The following RPSA2 variants were observed in gnomAD, a reference collection of about 807,000 sequenced individuals.
RPSA2 encodes the protein small ribosomal subunit protein uS2B.
the RPSA2 span, among the ~76,000 whole-genome samples, chr19:23,768,169 GAT>G: frequency 3.0e-4 from 2 of 6,560 alleles, no homozygotes; most frequent in African/African-American, 3.4e-4. Context: ...AAAATCTAGT[GAT>G]ATGTTTTATT....
At chr19:23,806,917 C>T in the RPSA2 span, among the ~76,000 whole-genome samples, 7 of 151,774 alleles carry the variant, frequency 4.6e-5, no homozygotes, top group African/African-American at 1.2e-4. Context: ...TCCATATAAC[C>T]GATGTTTTCT....
the RPSA2 span, among the ~76,000 whole-genome samples, chr19:23,851,553 A>G: frequency 0.98 from 148,936 of 152,280 alleles, 72,927 homozygotes; most frequent in Middle Eastern, 1. Context: ...TAATAGTAGC[A>G]GTTTCTATAT....
the RPSA2 span, among the ~76,000 whole-genome samples, chr19:23,778,831 A>G: frequency 6.6e-6 from 1 of 151,754 alleles, no homozygotes; most frequent in African/African-American, 2.4e-5. Context: ...GGGCCGATCA[A>G]TTTGGGCGAC....
chr19:23,803,426 G>A, the RPSA2 span, among the ~76,000 whole-genome samples: 11 of 152,036 alleles, frequency 7.2e-5, no homozygotes, highest in Admixed American at 4.6e-4. Context: ...ACCATTGTTT[G>A]CAGAGACATT....
the RPSA2 span, chr19:23,758,704 A>G: frequency 4.2e-5 from 68 of 1,614,036 alleles, no homozygotes; most frequent in Non-Finnish European, 5.2e-5. Context: ...GTCCCGCCAC[A>G]GCCCCTTCCC....
At chr19:23,808,222 G>A in the RPSA2 span, among the ~76,000 whole-genome samples, 147,685 of 150,986 alleles carry the variant, frequency 0.98, 72,324 homozygotes, top group Middle Eastern at 1. Context: ...ATCATCACCA[G>A]TTTTTGATTC....
chr19:23,866,879 G>T, the RPSA2 span, among the ~76,000 whole-genome samples: 1 of 152,154 alleles, frequency 6.6e-6, no homozygotes, highest in Non-Finnish European at 1.5e-5. Flanking sequence ...CTAATTTTAG[G>T]CAAAAGCTGC....
At chr19:23,799,771 A>C in the RPSA2 span, among the ~76,000 whole-genome samples, 1 of 152,050 alleles carries the variant, frequency 6.6e-6, no homozygotes, top group Non-Finnish European at 1.5e-5. Flanking sequence ...AGCTGGCTTC[A>C]AGTTGCAGAA....
the RPSA2 span, among the ~76,000 whole-genome samples, chr19:23,806,001 G>GTCAATCTATCTA: frequency 7.5e-6 from 1 of 132,740 alleles, no homozygotes; most frequent in Non-Finnish European, 1.6e-5. Context: ...CTATCTGTCT[G>GTCAATCTATCTA]TCTATCTATC....
chr19:23,765,740 TA>T, the RPSA2 span, among the ~76,000 whole-genome samples: 1 of 152,300 alleles, frequency 6.6e-6, no homozygotes, highest in East Asian at 1.9e-4. Context: ...TTTACCTATG[TA>T]AAAAATTTGC....
chr19:23,780,789 T>G, the RPSA2 span, among the ~76,000 whole-genome samples: 538 of 152,314 alleles, frequency 3.5e-3, 3 homozygotes, highest in African/African-American at 0.012. Flanking sequence ...CCATATACAG[T>G]CCTCAAGAGA....
At chr19:23,791,602 C>CT in the RPSA2 span, among the ~76,000 whole-genome samples, 46 of 152,340 alleles carry the variant, frequency 3.0e-4, no homozygotes, top group East Asian at 8.3e-3. Context: ...TTCCTCCAGC[C>CT]TAACTCTGGC....
chr19:23,794,702 T>A, the RPSA2 span, among the ~76,000 whole-genome samples: 14 of 152,210 alleles, frequency 9.2e-5, no homozygotes, highest in Non-Finnish European at 1.8e-4. Flanking sequence ...AGGTCCAATT[T>A]GTCAATTTTT....
At chr19:23,833,319 T>A in the RPSA2 span, 2 of 521,272 alleles carry the variant, frequency 3.8e-6, no homozygotes, top group Non-Finnish European at 5.1e-6. Context: ...GAATAATGTG[T>A]CAAAGCCTAT....
the RPSA2 span, among the ~76,000 whole-genome samples, chr19:23,841,107 T>G: frequency 2.0e-5 from 3 of 152,288 alleles, no homozygotes; most frequent in African/African-American, 4.8e-5. Context: ...TGTTGCATCC[T>G]CCAATATGTA....
chr19:23,817,168 G>T, the RPSA2 span, among the ~76,000 whole-genome samples: 2 of 152,124 alleles, frequency 1.3e-5, no homozygotes, highest in Admixed American at 6.5e-5. Context: ...GATAACCTGA[G>T]GTCAGGAGTT....
At chr19:23,821,485 G>A in the RPSA2 span, among the ~76,000 whole-genome samples, 2 of 152,194 alleles carry the variant, frequency 1.3e-5, no homozygotes, top group African/African-American at 4.8e-5. Context: ...GCCTCCCAGA[G>A]GAGGGACTTC....
chr19:23,760,441 AAC>A, the RPSA2 span, among the ~76,000 whole-genome samples: 1 of 151,700 alleles, frequency 6.6e-6, no homozygotes, highest in East Asian at 1.9e-4. Flanking sequence ...CCATGTCATG[AAC>A]GATGATGTTG....
At chr19:23,825,545 G>C in the RPSA2 span, among the ~76,000 whole-genome samples, 1 of 151,946 alleles carries the variant, frequency 6.6e-6, no homozygotes. Flanking sequence ...GTGTAGGTTT[G>C]TTGTGAATGG....
Sources: gnomAD v4.1 joint callset for allele counts (sites outside exome capture counted in the v4.1 genomes callset) on GRCh38, gnomAD v4.1.1 for gene constraint, MANE v1.5 for transcripts, NCBI Gene and HGNC (gene_info 2026-07-23, HGNC 2026-07-21) for gene names.